NSRP1: variants seen among roughly 807,000 people sequenced by gnomAD.
NSRP1 encodes coiled-coil domain containing 55.
Under a neutral mutation model 54.7 loss-of-function variants are expected in NSRP1, and 24 were observed. The ratio of observed to expected loss-of-function variants is 0.44; its 90% confidence interval spans 0.32 to 0.62. NSRP1 has a LOEUF of 0.62. NSRP1 is among the 20% of genes least tolerant of loss of function. The pLI is 0.06. For synonymous variants in NSRP1, 210 were observed against 213.8 expected (o/e 0.98, Z 0.15); for missense variants, 596 against 651.2 (o/e 0.92, Z 0.92).
Position 30,152,196 on chromosome 17 carries a change from C to T in NSRP1, c.115-20346C>T, listed in dbSNP as rs537660523. Among the ~76,000 whole-genome samples, 4 of 152,018 alleles carry T rather than the reference C, an allele frequency of 2.6e-5. No homozygotes were observed. The East Asian group carries it at 5.8e-4, about 22-fold the overall frequency. ...GGAGTGCAGTGGCGCGATCTCGGCT[C>T]ACGGCAACCTCTGCTTCCCGGGTTC... is the stretch of plus-strand genomic sequence containing the variant. On this transcript the variant is annotated intron_variant, in intron 2 of 6. Transcript: ENST00000247026.
At chr17:30,147,174 G>A (rs190780403) in intron 2 of NSRP1, among the ~76,000 whole-genome samples, 19 of 150,572 alleles carry the variant, frequency 1.3e-4, no homozygotes, top group Non-Finnish European at 2.2e-4. Flanking sequence ...TATTGCCCAG[G>A]ATGGAATGCA....
In NSRP1 at chr17:30,178,164, A is replaced by T; in HGVS notation, c.265A>T (p.Asn89Tyr). The change falls in exon 4 of 7, where the codon AAT (asparagine) becomes TAT (tyrosine). Residue 89 changes from asparagine to tyrosine, a missense_variant. Transcript: ENST00000247026. ...YDEMQKKKEE[N>Y]NPKLLLGKDR... ...TGAAATGCAGAAAAAAAAGGAGGAA[A>T]ATAATCCCAAATTGCTTTTGGGGAA... The T allele has an allele frequency of 1.2e-6, 2 of 1,610,244 alleles. No individual in the cohort carries two copies. The highest frequency in any genetic ancestry group is 8.5e-7 in the Non-Finnish European group (1 of 1,179,068).
chr17:30,176,092 T>TTTG (rs917622998), intron 3 of NSRP1, among the ~76,000 whole-genome samples: 3 of 136,832 alleles, frequency 2.2e-5, no homozygotes, highest in East Asian at 2.4e-4. Flanking sequence ...ACTGTTTTTT[T>TTTG]TTGTTGTTGT....
chr17:30,121,624 C>T (rs1237738697), intron 2 of NSRP1, among the ~76,000 whole-genome samples: 3 of 146,220 alleles, frequency 2.1e-5, no homozygotes, highest in Admixed American at 6.9e-5. Context: ...AGTGCGGTGG[C>T]GTGATCTCGG....
intron 2 of NSRP1, chr17:30,167,953 G>A (rs989224251): frequency 8.5e-5 from 13 of 152,068 alleles, no homozygotes; most frequent in Non-Finnish European, 1.6e-4. Flanking sequence ...TCAGCTTTAC[G>A]TTTTCAGAGG....
rs780507533 is a variant in NSRP1, at chr17:30,151,774, CTTTTTTTTTTTTTTTT to C, written c.115-20758_115-20743del. ...TTCCCATTCTGTGGGTTGTCACTTT[CTTTTTTTTTTTTTTTT>C]TTTTTTTTTGAGACAGAGTTTTTCT... On this transcript the variant is annotated intron_variant, in intron 2 of 6. Coordinates refer to ENST00000247026, the MANE Select transcript of NSRP1 (RefSeq NM_032141.4). Among the ~76,000 whole-genome samples the C allele has an allele frequency of 4.1e-5, 2 of 48,906 alleles. 1 individual carries two copies. The highest frequency in any genetic ancestry group is 1.4e-3 in the East Asian group (2 of 1,480). The allele number at this position is 48,906 out of a possible 152,430, so 32.1% of individuals were successfully genotyped here. A position where few individuals can be genotyped will look rare whatever the true frequency, so the allele number is the denominator to read the frequency against.
chr17:30,146,904 C>T (rs2071860790), intron 2 of NSRP1, among the ~76,000 whole-genome samples: 1 of 152,310 alleles, frequency 6.6e-6, no homozygotes. Flanking sequence ...ATCAGATTTA[C>T]TGTAATAGTT....
chr17:30,138,095 C>T (rs958559755), intron 2 of NSRP1, among the ~76,000 whole-genome samples: 16 of 152,138 alleles, frequency 1.1e-4, no homozygotes, highest in East Asian at 1.9e-4. Flanking sequence ...ACCTCATATA[C>T]GTGGAATCAT....
At chr17:30,146,015 A>G (rs1028752377) in intron 2 of NSRP1, among the ~76,000 whole-genome samples, 3 of 151,964 alleles carry the variant, frequency 2.0e-5, no homozygotes, top group Non-Finnish European at 4.4e-5. Context: ...ATGCCCAGCT[A>G]ATTTTTGTAT....
intron 2 of NSRP1, among the ~76,000 whole-genome samples, chr17:30,164,606 G>C (rs575714854): frequency 6.6e-6 from 1 of 152,206 alleles, no homozygotes; most frequent in African/African-American, 2.4e-5. Flanking sequence ...AGACCAGCCT[G>C]GGCAACAAAG....
At chr17:30,153,639 G>C (rs2071934290) in intron 2 of NSRP1, among the ~76,000 whole-genome samples, 1 of 151,890 alleles carries the variant, frequency 6.6e-6, no homozygotes, top group Admixed American at 6.6e-5. Context: ...TTAAAATAAA[G>C]TTTTATTGGA....
At chr17:30,119,422 A>G (rs989595894) in intron 2 of NSRP1, among the ~76,000 whole-genome samples, 8 of 152,270 alleles carry the variant, frequency 5.3e-5, no homozygotes, top group African/African-American at 1.7e-4. Context: ...CATGTTGGCC[A>G]GGCTGGTCTT....
rs779393708 is a variant in NSRP1 at position 30,185,483 on chromosome 17, C to G, written c.1486C>G (p.Leu496Val). The G allele has an allele frequency of 2.5e-6, 4 of 1,612,756 alleles. No individual in the cohort carries two copies. The East Asian group carries it at 6.7e-5, about 27-fold the overall frequency. ...QEKPSNSESS[L>V]GAKHRLTEEG... ...GAAACCCTCTAATTCTGAATCATCA[C>G]TGGGAGCAAAACACAGACTCACAGA... is the stretch of plus-strand genomic sequence containing the variant. The change falls in exon 7 of 7, where the codon CTG (leucine) becomes GTG (valine). Residue 496 changes from leucine to valine, a missense_variant. Leu to Val is a conservative substitution (Grantham distance 32). Coordinates refer to ENST00000247026, the MANE Select transcript of NSRP1 (RefSeq NM_032141.4).
In NSRP1 at chr17:30,186,231, C is replaced by G. The variant is rs942717324; in HGVS notation, c.*557C>G. 4 of 152,208 alleles carry G rather than the reference C, an allele frequency of 2.6e-5. No individual in the cohort carries two copies. Among genetic ancestry groups the G allele is most frequent in the Admixed American group, 2.6e-4 (4 of 15,282 alleles). 9.4% of individuals were successfully genotyped at this position (152,208 alleles called of 1,614,324 possible). On this transcript the variant is annotated 3_prime_UTR_variant, in exon 7 of 7. Coordinates refer to ENST00000247026, the MANE Select transcript of NSRP1 (RefSeq NM_032141.4). ...AGTGAGGTATGATCATGCCACTGCA[C>G]TCCAACCTGGGCAACAGAATGAGAC...
rs1463487493 is a variant in NSRP1 at position 30,139,098 on chromosome 17, TA to T, written c.114+20926del. On this transcript the variant is annotated intron_variant, in intron 2 of 6. Transcript: ENST00000247026. ...ATGCCTAGCTAATATTTTGTATTTTTAGTAGAGACGGGGTTTCACTGTGTTA... is the reference window on the plus strand; with the variant it reads ...ATGCCTAGCTAATATTTTGTATTTTTGTAGAGACGGGGTTTCACTGTGTTA... Among the ~76,000 whole-genome samples the T allele has an allele frequency of 3.6e-4, 54 of 151,502 alleles. No individual in the cohort carries two copies. The South Asian group carries it at 0.011, about 30-fold the overall frequency.
chr17:30,148,978 T>TAA (rs2071882143), intron 2 of NSRP1, among the ~76,000 whole-genome samples: 1 of 152,208 alleles, frequency 6.6e-6, no homozygotes, highest in Non-Finnish European at 1.5e-5. Flanking sequence ...TGCCCATATG[T>TAA]TTATTGCTTC....
chr17:30,182,987 T>G lies in NSRP1; in HGVS notation c.618-1628T>G, dbSNP rs145667301. Among the ~76,000 whole-genome samples the G allele has an allele frequency of 5.1e-3, 770 of 152,098 alleles. 7 individuals carry two copies. The highest frequency in any genetic ancestry group is 0.018 in the African/African-American group (731 of 41,542). Reference sequence around the variant, plus strand: ...AAATTAAGTAAATAAAATTTAAAGTTTTGATCACAGCGGCCACATTTCATA... The same window carrying G: ...AAATTAAGTAAATAAAATTTAAAGTGTTGATCACAGCGGCCACATTTCATA... On this transcript the variant is annotated intron_variant, in intron 6 of 6. Coordinates refer to ENST00000247026, the MANE Select transcript of NSRP1 (RefSeq NM_032141.4).
intron 2 of NSRP1, among the ~76,000 whole-genome samples, chr17:30,151,148 A>G (rs1318694338): frequency 7.9e-5 from 12 of 152,138 alleles, no homozygotes; most frequent in Admixed American, 6.6e-4. Context: ...CTTCTTTGAA[A>G]TAAATTTGTA....
At chr17:30,134,574 T>G (rs2071731929) in intron 2 of NSRP1, among the ~76,000 whole-genome samples, 1 of 152,026 alleles carries the variant, frequency 6.6e-6, no homozygotes. Flanking sequence ...TAAGGAAAAA[T>G]GAGAGATTTT....
Sources: gnomAD v4.1 joint callset for allele counts (sites outside exome capture counted in the v4.1 genomes callset) on GRCh38, gnomAD v4.1.1 for gene constraint, MANE v1.5 for transcripts, NCBI Gene and HGNC (gene_info 2026-07-23, HGNC 2026-07-21) for gene names.